The following RBM41 variants were observed in gnomAD, a reference collection of about 807,000 sequenced individuals.
RBM41 encodes the protein RNA-binding protein 41.
In RBM41, 14 loss-of-function variants were observed where a neutral mutation model predicts 30.8. The observed-to-expected ratio is 0.45, with a 90% confidence interval of 0.30 to 0.71. The LOEUF (loss-of-function observed/expected upper bound fraction) is 0.71, where lower values mean the gene tolerates loss of function less well. RBM41 is among the 30% of genes least tolerant of loss of function. RBM41 has a pLI of 0.08. For missense variants in RBM41, 276 were observed against 326.3 expected, an observed-to-expected ratio of 0.85 and a Z score of 1.19; for synonymous variants, 120 against 110.1, an observed-to-expected ratio of 1.09 and a Z score of -0.56.
At chrX:107,052,626 G>A in the RBM41 span, among the ~76,000 whole-genome samples, 12 of 108,362 alleles carry the variant, frequency 1.1e-4, no homozygotes, top group African/African-American at 2.4e-4. Context: ...CCAGGGGTCC[G>A]TGGTAGATTT....
chrX:107,106,785 T>C (rs1279541375), intron 5 of RBM41, among the ~76,000 whole-genome samples: 1 of 104,693 alleles, frequency 9.6e-6, no homozygotes, highest in Non-Finnish European at 1.9e-5. Context: ...AACCAAACAC[T>C]GCATGTTCTC....
chrX:107,078,824 T>C (rs1354515691), intron 6 of RBM41, among the ~76,000 whole-genome samples: 2 of 110,875 alleles, frequency 1.8e-5, no homozygotes, highest in Non-Finnish European at 3.8e-5. Context: ...TTGTTCTGGC[T>C]TTAGTCATAG....
intron 6 of RBM41, among the ~76,000 whole-genome samples, chrX:107,084,149 AC>A (rs1921812687): frequency 9.2e-6 from 1 of 108,133 alleles, no homozygotes; most frequent in African/African-American, 3.3e-5. Flanking sequence ...AAAAAAAAAA[AC>A]AAATCAAAAC....
rs184611409 is a variant in RBM41, at chrX:107,063,745, T to C, written c.*3782A>G. Among the ~76,000 whole-genome samples, 1 of 111,322 alleles carries C rather than the reference T, an allele frequency of 9.0e-6. No homozygotes were observed. Among genetic ancestry groups the C allele is most frequent in the East Asian group, 2.8e-4 (1 of 3,551 alleles). Reference sequence around the variant, plus strand: ...GATTCTCCTTTTTTCCTGGTCAGTCTAGCAGAAGGTGTGTCAGTTTTACTG... The same window carrying C: ...GATTCTCCTTTTTTCCTGGTCAGTCCAGCAGAAGGTGTGTCAGTTTTACTG... On this transcript the variant is annotated 3_prime_UTR_variant, in exon 8 of 8. Transcript: ENST00000685964.
intron 6 of RBM41, among the ~76,000 whole-genome samples, chrX:107,070,974 C>G (rs1936036758): frequency 9.3e-6 from 1 of 107,724 alleles, no homozygotes; most frequent in South Asian, 4.2e-4. Context: ...TACTGGAGCT[C>G]AGGAGTTTGA....
intron 5 of RBM41, among the ~76,000 whole-genome samples, chrX:107,113,143 T>C (rs1924631445): frequency 9.0e-6 from 1 of 111,716 alleles, no homozygotes; most frequent in Admixed American, 9.5e-5. Context: ...AAATGGGATC[T>C]AAAAATCATT....
At chrX:107,111,497 A>C (rs1924467775) in intron 5 of RBM41, among the ~76,000 whole-genome samples, 1 of 111,190 alleles carries the variant, frequency 9.0e-6, no homozygotes, top group Non-Finnish European at 1.9e-5. Context: ...TTTCTCAAAA[A>C]ATTACATGTA....
chrX:107,065,680 T>A lies in RBM41; in HGVS notation c.*1847A>T. 9.3e-7 allele frequency: 1 copy of A among 1,080,544 alleles called. No individual in the cohort carries two copies. The highest frequency in any genetic ancestry group is 3.4e-5 in the Admixed American group (1 of 29,210). 89.0% of individuals were successfully genotyped at this position (1,080,544 alleles called of 1,213,427 possible). A position where few individuals can be genotyped will look rare whatever the true frequency, so the allele number is the denominator to read the frequency against. ...TTTCCTATTTCACGTTCTCTCCATTTGTTCCTGTGGATTTGTCTTACCATC... is the reference window on the plus strand; with the variant it reads ...TTTCCTATTTCACGTTCTCTCCATTAGTTCCTGTGGATTTGTCTTACCATC... On this transcript the variant is annotated 3_prime_UTR_variant, in exon 8 of 8. Coordinates refer to ENST00000685964, the MANE Select transcript of RBM41 (RefSeq NM_001324242.2).
chrX:107,087,845 G>A (rs992683046), intron 6 of RBM41, among the ~76,000 whole-genome samples: 3 of 111,912 alleles, frequency 2.7e-5, no homozygotes, highest in South Asian at 7.5e-4. Flanking sequence ...CTCGTGATCC[G>A]CCTGCCTCAG....
chrX:107,110,400 A>G (rs1359424503), intron 5 of RBM41, among the ~76,000 whole-genome samples: 1 of 111,479 alleles, frequency 9.0e-6, no homozygotes, highest in Admixed American at 9.5e-5. Context: ...CTGTGAGGTA[A>G]AAGACTTATA....
intron 6 of RBM41, among the ~76,000 whole-genome samples, chrX:107,075,286 A>C (rs1360614480): frequency 2.7e-5 from 3 of 112,094 alleles, no homozygotes; most frequent in Non-Finnish European, 5.6e-5. Flanking sequence ...TAAATATACG[A>C]CCTGAGACTG....
rs1922179829 is a variant in RBM41 at position 107,087,861 on chromosome X, C to G, written c.999+575G>C. Among the ~76,000 whole-genome samples, 3 of 112,446 alleles carry G rather than the reference C, an allele frequency of 2.7e-5. No homozygotes were observed. In the South Asian group the frequency reaches 1.1e-3, roughly 41 times the overall value. ...TCGTGATCCGCCTGCCTCAGCCTCCCAAAGTGCTTGGATTACAGGCATGAG... is the reference window on the plus strand; with the variant it reads ...TCGTGATCCGCCTGCCTCAGCCTCCGAAAGTGCTTGGATTACAGGCATGAG... On this transcript the variant is annotated intron_variant, in intron 6 of 7. Transcript: ENST00000685964.
chrX:107,115,667 A>C, intron 3 of RBM41, 111 bp from the exon 4 acceptor site: 1 of 879,338 alleles, frequency 1.1e-6, no homozygotes, highest in Non-Finnish European at 1.6e-6. Context: ...ATGTTTACAG[A>C]AAGTGTTAGC....
chrX:107,101,174 G>A (rs1322397706), intron 5 of RBM41, among the ~76,000 whole-genome samples: 1 of 111,406 alleles, frequency 9.0e-6, no homozygotes, highest in Non-Finnish European at 1.9e-5. Context: ...GTGGGAAGAG[G>A]GTTGTGATTT....
At chrX:107,070,343 T>C (rs1453188659) in intron 6 of RBM41, 1 of 329,440 alleles carries the variant, frequency 3.0e-6, no homozygotes, top group Non-Finnish European at 5.9e-6. Flanking sequence ...TCCCAGTCCT[T>C]TTCTGCCATT....
At position 107,062,949 on chromosome X, in the gene RBM41, T is replaced by C. The variant is rs1305118495; in HGVS notation, c.*4578A>G. Among the ~76,000 whole-genome samples, 1 of 112,017 alleles carries C rather than the reference T, an allele frequency of 8.9e-6. No individual in the cohort carries two copies. Among genetic ancestry groups the C allele is most frequent in the African/African-American group, 3.2e-5 (1 of 30,826 alleles). ...TATATTCATAGATACACTTCACTAT[T>C]TTAATGGCTGCATAGTATTGTACTA... On this transcript the variant is annotated 3_prime_UTR_variant, in exon 8 of 8. Transcript: ENST00000685964.
chrX:107,118,597 C>T lies in RBM41; in HGVS notation c.8+169G>A, dbSNP rs1037545130. On this transcript the variant is annotated intron_variant, in intron 1 of 7. Coordinates refer to ENST00000685964, the MANE Select transcript of RBM41 (RefSeq NM_001324242.2). ...CCTTCCTGAACTTCGCTCTGCAGGCCTGTTCAGCCCGTCTCCCCTCCTCCC... is the reference window on the plus strand; with the variant it reads ...CCTTCCTGAACTTCGCTCTGCAGGCTTGTTCAGCCCGTCTCCCCTCCTCCC... Among the ~76,000 whole-genome samples the T allele has an allele frequency of 4.5e-5, 5 of 111,989 alleles. No individual in the cohort carries two copies. In the Admixed American group the frequency reaches 4.7e-4, roughly 11 times the overall value.
At chrX:107,109,108 T>A (rs1266498136) in intron 5 of RBM41, among the ~76,000 whole-genome samples, 1 of 110,707 alleles carries the variant, frequency 9.0e-6, no homozygotes, top group African/African-American at 3.3e-5. Flanking sequence ...ACAAAAACAG[T>A]AAAAGAGGCA....
intron 5 of RBM41, among the ~76,000 whole-genome samples, chrX:107,094,183 G>A (rs1256002893): frequency 8.9e-6 from 1 of 112,103 alleles, no homozygotes. Flanking sequence ...GAAAAGGGAA[G>A]AGAAGGAAAT....
Sources: gnomAD v4.1 joint callset for allele counts (sites outside exome capture counted in the v4.1 genomes callset) on GRCh38, gnomAD v4.1.1 for gene constraint, MANE v1.5 for transcripts, NCBI Gene and HGNC (gene_info 2026-07-23, HGNC 2026-07-21) for gene names.